Variants in CDH1 observed in about 807,000 individuals in gnomAD.
CDH1 encodes cadherin-1.
CDH1 carries 35 observed loss-of-function variants against 84.5 expected under a neutral mutation model. That is an observed-to-expected ratio of 0.41 (90% CI 0.32 to 0.55). CDH1 has a LOEUF of 0.55. Among genes scored for constraint, CDH1 ranks in the 20% least tolerant of loss-of-function variants. CDH1 has a pLI of 0.19. For missense variants in CDH1, 994 were observed against 1,126.6 expected (o/e 0.88, Z 1.68); for synonymous variants, 417 against 439.0 (o/e 0.95, Z 0.63).
At chr16:68,812,500 T>C (rs918543352) in intron 8 of CDH1, among the ~76,000 whole-genome samples, 1 of 152,240 alleles carries the variant, frequency 6.6e-6, no homozygotes, top group African/African-American at 2.4e-5. Flanking sequence ...CACCTACTGA[T>C]TTCATAGTCT....
intron 2 of CDH1, among the ~76,000 whole-genome samples, chr16:68,747,586 T>C (rs937502286): frequency 6.6e-6 from 1 of 152,190 alleles, no homozygotes; most frequent in Non-Finnish European, 1.5e-5. Flanking sequence ...CAGATTTCAT[T>C]AGTCTCTTGT....
chr16:68,781,302 C>T (rs1959871188), intron 2 of CDH1, among the ~76,000 whole-genome samples: 1 of 152,162 alleles, frequency 6.6e-6, no homozygotes, highest in South Asian at 2.1e-4. Context: ...CCTCCACACA[C>T]CCGCAGCACT....
chr16:68,769,515 C>G (rs1959486459), intron 2 of CDH1, among the ~76,000 whole-genome samples: 1 of 151,636 alleles, frequency 6.6e-6, no homozygotes, highest in Non-Finnish European at 1.5e-5. Context: ...CACTATGTTG[C>G]CCAGGCTGGT....
At position 68,745,609 on chromosome 16, in the gene CDH1, G is replaced by GTA. The variant is rs111616614; in HGVS notation, c.163+7214_163+7215dup. Among the ~76,000 whole-genome samples the GTA allele has an allele frequency of 1.3e-3, 158 of 122,180 alleles. 1 individual carries two copies. Among genetic ancestry groups the GTA allele is most frequent in the East Asian group, 2.7e-3 (12 of 4,430 alleles). The allele number at this position is 122,180 out of a possible 152,430, so 80.2% of individuals were successfully genotyped here. A position where few individuals can be genotyped will look rare whatever the true frequency, so the allele number is the denominator to read the frequency against. On this transcript the variant is annotated intron_variant, in intron 2 of 15. Transcript: ENST00000261769. ...AATATATGTGTATATATATGTATGTGTATATATATATATATATGTATATAT... is the reference window on the plus strand; with the variant it reads ...AATATATGTGTATATATATGTATGTGTATATATATATATATATATGTATATAT...
chr16:68,803,750 T>G (rs191841735), intron 3 of CDH1, among the ~76,000 whole-genome samples: 1 of 152,276 alleles, frequency 6.6e-6, no homozygotes. Flanking sequence ...CTCTTGAACT[T>G]TGTTTCTGCC....
intron 2 of CDH1, among the ~76,000 whole-genome samples, chr16:68,794,366 G>A (rs1437167131): frequency 6.6e-6 from 1 of 152,008 alleles, no homozygotes; most frequent in Non-Finnish European, 1.5e-5. Flanking sequence ...AGTAGCAAAT[G>A]GACACACAAC....
intron 2 of CDH1, among the ~76,000 whole-genome samples, chr16:68,801,403 A>G (rs990157948): frequency 3.3e-5 from 5 of 152,248 alleles, no homozygotes; most frequent in African/African-American, 1.2e-4. Flanking sequence ...GGCATGAGAC[A>G]CTGTGCCCAG....
intron 2 of CDH1, among the ~76,000 whole-genome samples, chr16:68,767,148 A>C (rs1959414583): frequency 6.6e-6 from 1 of 152,010 alleles, no homozygotes; most frequent in African/African-American, 2.4e-5. Context: ...ATAATAGAAC[A>C]CGATGAACCA....
Position 68,834,148 on chromosome 16 carries a change from C to A in CDH1, c.*649C>A, listed in dbSNP as rs1961575760. ...ATTTTTTAAATATTTGAGACGGGGT[C>A]TCCCTGTGTTACCCAGGCTGGTCTC... On this transcript the variant is annotated 3_prime_UTR_variant, in exon 16 of 16. Coordinates refer to ENST00000261769, the MANE Select transcript of CDH1 (RefSeq NM_004360.5). 2 of 467,552 alleles carry A rather than the reference C, an allele frequency of 4.3e-6. No individual in the cohort carries two copies. Among genetic ancestry groups the A allele is most frequent in the Admixed American group, 5.0e-5 (2 of 39,854 alleles). The allele number at this position is 467,552 out of a possible 1,614,324, so 29.0% of individuals were successfully genotyped here. A position where few individuals can be genotyped will look rare whatever the true frequency, so the allele number is the denominator to read the frequency against.
At chr16:68,743,162 A>C (rs2152115650) in intron 2 of CDH1, among the ~76,000 whole-genome samples, 1 of 152,004 alleles carries the variant, frequency 6.6e-6, no homozygotes, top group African/African-American at 2.4e-5. Flanking sequence ...TGTCTGTTAC[A>C]CATTCCCTTC....
Position 68,737,666 on chromosome 16 carries a change from C to T in CDH1, c.48+203C>T, listed in dbSNP as rs112622910. Among the ~76,000 whole-genome samples, 292 of 152,254 alleles carry T rather than the reference C, an allele frequency of 1.9e-3. No homozygotes were observed. The highest frequency in any genetic ancestry group is 0.01 in the Middle Eastern group (3 of 294). Reference sequence around the variant, plus strand: ...GGGGGTGGGTGGTGAGGGGCGAGCGCGGCTTTCCTGCCCCCTCCAGCGCAG... The same window carrying T: ...GGGGGTGGGTGGTGAGGGGCGAGCGTGGCTTTCCTGCCCCCTCCAGCGCAG... On this transcript the variant is annotated intron_variant, in intron 1 of 15. Transcript: ENST00000261769.
chr16:68,776,109 A>G (rs1345106798), intron 2 of CDH1, among the ~76,000 whole-genome samples: 1 of 152,024 alleles, frequency 6.6e-6, no homozygotes, highest in Admixed American at 6.6e-5. Flanking sequence ...CAGCCTCCCA[A>G]GTAGCTAGCT....
intron 2 of CDH1, among the ~76,000 whole-genome samples, chr16:68,753,218 A>AAC (rs1962931955): frequency 6.6e-6 from 1 of 151,456 alleles, no homozygotes; most frequent in Admixed American, 6.6e-5. Flanking sequence ...GTCTCAAAAA[A>AAC]AAAAAAAAAA....
intron 2 of CDH1, among the ~76,000 whole-genome samples, chr16:68,774,141 T>C (rs1567488967): frequency 6.6e-6 from 1 of 152,190 alleles, no homozygotes; most frequent in Non-Finnish European, 1.5e-5. Context: ...TCTTGATTCC[T>C]GGCCTCAAGC....
In CDH1 at chr16:68,819,331, T is replaced by C. The variant is rs1596960438; in HGVS notation, c.1617T>C (p.Thr539=). 1 of 1,614,016 alleles carries C rather than the reference T, an allele frequency of 6.2e-7. No individual in the cohort carries two copies. Among genetic ancestry groups the C allele is most frequent in the Non-Finnish European group, 8.5e-7 (1 of 1,180,008 alleles). Residue 539 remains threonine (T), a synonymous_variant, in exon 11 of 16, where the codon ACT becomes ACC. Coordinates refer to ENST00000261769, the MANE Select transcript of CDH1 (RefSeq NM_004360.5). ...TANWLEINPD[T]GAISTRAELD... ...ACTGGCTGGAGATTAATCCGGACAC[T>C]GGTGCCATTTCCACTCGGGCTGAGC... is the stretch of plus-strand genomic sequence containing the variant.
chr16:68,747,827 A>G (rs965958477), intron 2 of CDH1, among the ~76,000 whole-genome samples: 1 of 151,262 alleles, frequency 6.6e-6, no homozygotes, highest in African/African-American at 2.4e-5. Context: ...GCAGAGGCGC[A>G]ATCTCAGCTT....
chr16:68,745,617 A>ATATGTG (rs1962717811), intron 2 of CDH1, among the ~76,000 whole-genome samples: 1 of 143,420 alleles, frequency 7.0e-6, no homozygotes, highest in African/African-American at 2.7e-5. Context: ...GTGTATATAT[A>ATATGTG]TATATATATG....
At chr16:68,745,549 A>ATATATATATATATGTAT (rs1285099283) in intron 2 of CDH1, among the ~76,000 whole-genome samples, 6 of 75,190 alleles carry the variant, frequency 8.0e-5, no homozygotes, top group African/African-American at 2.8e-4. Context: ...AAAAAAAAAA[A>ATATATATATATATGTAT]ATATATATAT....
At chr16:68,740,545 A>C (rs1440272200) in intron 2 of CDH1, among the ~76,000 whole-genome samples, 2 of 152,062 alleles carry the variant, frequency 1.3e-5, no homozygotes, top group African/African-American at 4.8e-5. Flanking sequence ...GGCTAGAAAC[A>C]AGCTTGTATC....
Sources: allele counts gnomAD v4.1 joint callset (sites outside exome capture counted in the v4.1 genomes callset), GRCh38; gene constraint gnomAD v4.1.1; transcripts MANE v1.5; gene names NCBI Gene and HGNC (gene_info 2026-07-23, HGNC 2026-07-21).